MAF: variants seen among roughly 807,000 people sequenced by gnomAD.
MAF encodes MAF bZIP transcription factor, also known as transcription factor Maf.
A neutral mutation model predicts 22.0 loss-of-function variants in MAF; 10 were observed. That is an observed-to-expected ratio of 0.45 (90% CI 0.28 to 0.77). The LOEUF is 0.77. Among genes scored for constraint, MAF ranks in the 30% least tolerant of loss-of-function variants. The probability of loss-of-function intolerance (pLI) is 0.12; values close to 1 mark genes in which losing one functional copy is unlikely to be tolerated. For missense variants in MAF, 544 were observed against 548.4 expected, an observed-to-expected ratio of 0.99 and a Z score of 0.08; for synonymous variants, 337 against 255.8, an observed-to-expected ratio of 1.32 and a Z score of -3.03.
At chr16:79,412,486 T>C in the MAF span, among the ~76,000 whole-genome samples, 1 of 152,134 alleles carries the variant, frequency 6.6e-6, no homozygotes, top group South Asian at 2.1e-4. Context: ...AATCAAAATT[T>C]ATCCACCTGG....
At chr16:79,439,257 C>CTTTTTTT in the MAF span, among the ~76,000 whole-genome samples, 5 of 130,804 alleles carry the variant, frequency 3.8e-5, no homozygotes, top group African/African-American at 5.8e-5. Context: ...TAGGTACTTA[C>CTTTTTTT]TTTTTTTTTT....
chr16:79,550,340 G>GAA, the MAF span, among the ~76,000 whole-genome samples: 2 of 149,928 alleles, frequency 1.3e-5, no homozygotes, highest in African/African-American at 4.9e-5. Flanking sequence ...GGGGAAAGGA[G>GAA]AGAGAGAGAG....
At position 79,588,565 on chromosome 16, in the gene MAF, G is replaced by A. The variant is rs184510751; in HGVS notation, c.1119-2624C>T. ...ATTCTCCTGCCTCCCAGGTTCAAGC[G>A]ATTCTCCTGTCTCTGCCTCCTGAGT... On this transcript the variant is annotated intron_variant, in intron 1 of 1. Transcript: ENST00000569649. Among the ~76,000 whole-genome samples the A allele has an allele frequency of 1.0e-3, 157 of 151,648 alleles. 1 individual carries two copies. Among genetic ancestry groups the A allele is most frequent in the African/African-American group, 2.9e-3 (120 of 41,096 alleles).
In MAF at chr16:79,594,571, G is replaced by T. The variant is rs952686882; in HGVS notation, c.1119-18C>A. 3.2e-6 allele frequency: 5 copies of T among 1,554,510 alleles called. No homozygotes were observed. The highest frequency in any genetic ancestry group is 4.4e-6 in the Non-Finnish European group (5 of 1,147,956). ...GCTCAGTTCTGTAATTGGAATGAAA[G>T]GAATTTTAACACTATTTAGACAAAG... On this transcript the variant is annotated intron_variant, in intron 1 of 1. Coordinates refer to ENST00000326043, the MANE Select transcript of MAF (RefSeq NM_005360.5).
chr16:79,255,182 C>G, the MAF span, among the ~76,000 whole-genome samples: 1 of 152,234 alleles, frequency 6.6e-6, no homozygotes, highest in Non-Finnish European at 1.5e-5. Context: ...TGCACCCTAG[C>G]TGACACACAC....
chr16:79,212,756 A>T, the MAF span: 12 of 152,004 alleles, frequency 7.9e-5, no homozygotes, highest in Non-Finnish European at 1.3e-4. Context: ...GAGGAAAAAT[A>T]AAGCGCTTCT....
the MAF span, among the ~76,000 whole-genome samples, chr16:79,209,000 A>C: frequency 6.6e-6 from 1 of 152,170 alleles, no homozygotes; most frequent in South Asian, 2.1e-4. Context: ...TGATTTTTGG[A>C]GTAGAGAAGG....
At chr16:79,433,606 A>C in the MAF span, among the ~76,000 whole-genome samples, 1 of 152,026 alleles carries the variant, frequency 6.6e-6, no homozygotes, top group East Asian at 1.9e-4. Context: ...AGAAAGATAT[A>C]AATTTCAGAT....
the MAF span, among the ~76,000 whole-genome samples, chr16:79,509,801 T>C: frequency 6.6e-6 from 1 of 152,204 alleles, no homozygotes; most frequent in Non-Finnish European, 1.5e-5. Flanking sequence ...ACTTATTTTG[T>C]TTCTTAGGCT....
chr16:79,372,313 G>C, the MAF span, among the ~76,000 whole-genome samples: 405 of 152,136 alleles, frequency 2.7e-3, 2 homozygotes, highest in African/African-American at 9.4e-3. Flanking sequence ...ATGTAACAGA[G>C]AAGAAAGATT....
the MAF span, among the ~76,000 whole-genome samples, chr16:79,523,054 A>C: frequency 6.6e-6 from 1 of 152,340 alleles, no homozygotes; most frequent in East Asian, 1.9e-4. Flanking sequence ...AGTCATCATA[A>C]AAATTTTACC....
At chr16:79,492,791 C>T in the MAF span, among the ~76,000 whole-genome samples, 16 of 152,196 alleles carry the variant, frequency 1.1e-4, no homozygotes, top group African/African-American at 2.6e-4. Flanking sequence ...TTCTTTAAGT[C>T]CATTTACATA....
chr16:79,380,763 A>G, the MAF span, among the ~76,000 whole-genome samples: 1 of 152,244 alleles, frequency 6.6e-6, no homozygotes, highest in African/African-American at 2.4e-5. Context: ...AATAAATGGC[A>G]GAACACATCA....
the MAF span, among the ~76,000 whole-genome samples, chr16:79,434,142 C>A: frequency 5.3e-5 from 8 of 152,198 alleles, no homozygotes; most frequent in African/African-American, 1.9e-4. Flanking sequence ...CAACTGCACA[C>A]TGGGCCATGC....
chr16:79,272,142 AGGGCGTC>A, the MAF span, among the ~76,000 whole-genome samples: 1 of 152,226 alleles, frequency 6.6e-6, no homozygotes, highest in Admixed American at 6.5e-5. Context: ...GGCCCCCACC[AGGGCGTC>A]TCTGATGAAA....
At chr16:79,508,444 T>A in the MAF span, among the ~76,000 whole-genome samples, 194 of 152,110 alleles carry the variant, frequency 1.3e-3, 1 homozygote, top group African/African-American at 4.6e-3. Flanking sequence ...CTTCCTAGCC[T>A]TGCCCCTTCA....
chr16:79,433,358 G>C, the MAF span, among the ~76,000 whole-genome samples: 4 of 151,434 alleles, frequency 2.6e-5, no homozygotes, highest in Non-Finnish European at 5.9e-5. Context: ...AGTTGGTGAA[G>C]TTTCATCTTC....
chr16:79,431,527 A>T, the MAF span, among the ~76,000 whole-genome samples: 1 of 152,214 alleles, frequency 6.6e-6, no homozygotes, highest in African/African-American at 2.4e-5. Flanking sequence ...AGTTTGAGCA[A>T]ATCATTTCAT....
At chr16:79,342,894 A>G in the MAF span, among the ~76,000 whole-genome samples, 1 of 152,142 alleles carries the variant, frequency 6.6e-6, no homozygotes, top group South Asian at 2.1e-4. Flanking sequence ...AGGCCTCCAA[A>G]GCGTTCGTTC....
Sources: allele counts gnomAD v4.1 joint callset (sites outside exome capture counted in the v4.1 genomes callset), GRCh38; gene constraint gnomAD v4.1.1; transcripts MANE v1.5; gene names NCBI Gene and HGNC (gene_info 2026-07-23, HGNC 2026-07-21).